Variants in ZBTB2 observed in about 807,000 individuals in gnomAD.
The protein encoded by ZBTB2 is zinc finger and BTB domain-containing protein 2.
A neutral mutation model predicts 39.5 loss-of-function variants in ZBTB2; 2 were observed. That is an observed-to-expected ratio of 0.05 (90% CI 0.02 to 0.16). ZBTB2 has a LOEUF of 0.16. ZBTB2 is among the 10% of genes least tolerant of loss of function. The probability of loss-of-function intolerance (pLI) is 1.00; values close to 1 mark genes in which losing one functional copy is unlikely to be tolerated. For missense variants in ZBTB2, 391 were observed against 653.0 expected (o/e 0.60, Z 4.37); for synonymous variants, 251 against 256.6 (o/e 0.98, Z 0.21).
rs746683385 is a variant in ZBTB2, at chr6:151,373,571, G to A, written c.67C>T (p.Leu23=). 1 of 1,614,180 alleles carries A rather than the reference G, an allele frequency of 6.2e-7. No homozygotes were observed. Among genetic ancestry groups the A allele is most frequent in the South Asian group, 1.1e-5 (1 of 91,084 alleles). Residue 23 remains leucine (L), a synonymous_variant, in exon 2 of 3, where the codon CTG becomes TTG. Transcript: ENST00000325144. Reference sequence around the variant, plus strand: ...CCGATTGCAACCGTGCAGTCACACAGGAAACCAAACTCTCGCTGAGCGTTT... The same window carrying A: ...CCGATTGCAACCGTGCAGTCACACAAGAAACCAAACTCTCGCTGAGCGTTT... ...QLNAQREFGF[L]CDCTVAIGDV...
At chr6:151,383,259 A>T (rs1255704189) in intron 1 of ZBTB2, among the ~76,000 whole-genome samples, 1 of 152,020 alleles carries the variant, frequency 6.6e-6, no homozygotes, top group Non-Finnish European at 1.5e-5. Context: ...TATGTTGCCC[A>T]GGCTGGTCTT....
Position 151,366,719 on chromosome 6 carries a change from T to C in ZBTB2, c.347A>G (p.Gln116Arg). The C allele has an allele frequency of 6.2e-7, 1 of 1,614,140 alleles. No individual in the cohort carries two copies. The highest frequency in any genetic ancestry group is 8.5e-7 in the Non-Finnish European group (1 of 1,180,014). The change falls in exon 3 of 3, where the codon CAG (glutamine) becomes CGG (arginine). Residue 116 changes from glutamine to arginine, a missense_variant. Physicochemically the swap from Gln to Arg is conservative, Grantham distance 43. Around this residue, in one of 7 missense-constraint regions of ZBTB2, gnomAD observed 175 missense variants for 198.6 expected, o/e 0.88. Transcript: ENST00000325144. The surrounding 1 kb of genome is among the most constrained non-coding windows in gnomAD (Gnocchi z 7.1). ...TTGGTCAGGGTGAGAAAAGGCTCCC[T>C]GGCTGGCGAGGCTGGCTTCCTGAAT... ...PLIQEASLAS[Q>R]GAFSHPDQVF...
At chr6:151,370,070 T>G (rs1778753097) in intron 2 of ZBTB2, 1 of 972,904 alleles carries the variant, frequency 1.0e-6, no homozygotes, top group South Asian at 4.7e-5. Context: ...TTCCCAGTCC[T>G]GTGGAAAGGA....
intron 1 of ZBTB2, among the ~76,000 whole-genome samples, chr6:151,390,295 C>A (rs1779256963): frequency 6.8e-6 from 1 of 147,820 alleles, no homozygotes; most frequent in African/African-American, 2.5e-5. Context: ...GGGGCGGGGC[C>A]GGGGGCGCGG....
intron 1 of ZBTB2, among the ~76,000 whole-genome samples, chr6:151,383,772 C>T (rs1485729400): frequency 6.6e-6 from 1 of 152,120 alleles, no homozygotes; most frequent in African/African-American, 2.4e-5. Flanking sequence ...GGCAGACACA[C>T]ACACACACAT....
rs563661055 is a variant in ZBTB2 at position 151,383,623 on chromosome 6, A to G, written c.-13+7797T>C. Among the ~76,000 whole-genome samples the G allele has an allele frequency of 3.3e-5, 5 of 152,192 alleles. No homozygotes were observed. In the South Asian group the frequency reaches 1.0e-3, roughly 32 times the overall value. On this transcript the variant is annotated intron_variant, in intron 1 of 2. Transcript: ENST00000325144. ...TTACTGCTCAAAGGCTTCACTCTCG[A>G]GGCTGGGCAGCTTGGCAGCCTGAAC...
chr6:151,374,651 C>A (rs1389491405), intron 1 of ZBTB2, among the ~76,000 whole-genome samples: 1 of 151,942 alleles, frequency 6.6e-6, no homozygotes, highest in Non-Finnish European at 1.5e-5. Flanking sequence ...AAGATGTCCC[C>A]TCTCGATATT....
rs769474299 is a variant in ZBTB2, at chr6:151,377,535, A to ATT, written c.-12-3888_-12-3887dup. 3.0e-3 allele frequency among the ~76,000 whole-genome samples: 312 copies of ATT among 103,394 alleles called. 3 individuals are homozygous for ATT. The highest frequency in any genetic ancestry group is 4.2e-3 in the Non-Finnish European group (225 of 53,680). The allele number at this position is 103,394 out of a possible 152,430, so 67.8% of individuals were successfully genotyped here. A position where few individuals can be genotyped will look rare whatever the true frequency, so the allele number is the denominator to read the frequency against. On this transcript the variant is annotated intron_variant, in intron 1 of 2. Transcript: ENST00000325144. Reference sequence around the variant, plus strand: ...AGGTGCCCGCGACCATGTCTGGCTAATTTTTTTTTTTTTTTTTTTTTTTGA... The same window carrying ATT: ...AGGTGCCCGCGACCATGTCTGGCTAATTTTTTTTTTTTTTTTTTTTTTTTTGA...
intron 1 of ZBTB2, among the ~76,000 whole-genome samples, chr6:151,391,048 C>T (rs1410494323): frequency 2.1e-5 from 3 of 146,178 alleles, no homozygotes; most frequent in Non-Finnish European, 4.6e-5. Flanking sequence ...CCGCCGCCCG[C>T]CCTCTCGGCT....
intron 2 of ZBTB2, among the ~76,000 whole-genome samples, chr6:151,372,789 G>A (rs1473589969): frequency 1.3e-5 from 2 of 152,064 alleles, no homozygotes; most frequent in Non-Finnish European, 2.9e-5. Flanking sequence ...ATGAGAGATA[G>A]GGCTTAGATA....
In ZBTB2 at chr6:151,366,009, C is replaced by T. The variant is rs2114848371; in HGVS notation, c.1057G>A (p.Asp353Asn). Residue 353 changes from aspartate (D) to asparagine (N), a missense_variant, in exon 3 of 3, where the codon GAC (aspartate) becomes AAC (asparagine). By Grantham distance (23) the Asp-to-Asn change is conservative (BLOSUM62 1). This residue lies in a region of ZBTB2 where 17 missense variants were observed against 67.6 expected (regional missense o/e 0.25). Coordinates refer to ENST00000325144, the MANE Select transcript of ZBTB2 (RefSeq NM_020861.3). The surrounding 1 kb of genome is among the most constrained non-coding windows in gnomAD (Gnocchi z 7.1). ...CGCCTCTTCACCTCCCTCTCCTGGT[C>T]GGCCTGCTCCAGGTTGTCAATGTCA... ...IADIDNLEQADQEREVKRRKY... is the reference protein window; with the variant it reads ...IADIDNLEQANQEREVKRRKY... 2 of 1,614,144 alleles carry T rather than the reference C, an allele frequency of 1.2e-6. No individual in the cohort carries two copies. The highest frequency in any genetic ancestry group is 1.7e-6 in the Non-Finnish European group (2 of 1,180,032).
intron 1 of ZBTB2, among the ~76,000 whole-genome samples, chr6:151,388,643 A>G (rs1238944153): frequency 6.6e-6 from 1 of 152,222 alleles, no homozygotes; most frequent in African/African-American, 2.4e-5. Flanking sequence ...CTGGGATTAT[A>G]GGCGTGAGCC....
At chr6:151,367,750 A>T (rs1368329927) in intron 2 of ZBTB2, among the ~76,000 whole-genome samples, 2 of 152,218 alleles carry the variant, frequency 1.3e-5, no homozygotes, top group Non-Finnish European at 2.9e-5. Context: ...AGATATGGAA[A>T]CTGAGGTCCC....
chr6:151,367,033 G>C (rs1778666373), intron 2 of ZBTB2, 141 bp from the exon 3 acceptor site: 1 of 884,418 alleles, frequency 1.1e-6, no homozygotes. Context: ...ATGAAAATGG[G>C]ATGAAATAAT....
Position 151,365,409 on chromosome 6 carries a change from A to C in ZBTB2, c.*112T>G, listed in dbSNP as rs912093056. On this transcript the variant is annotated 3_prime_UTR_variant, in exon 3 of 3. Transcript: ENST00000325144. This position sits in a 1 kb window ranked among gnomAD's most constrained non-coding sequence, Gnocchi z 5.6. ...ATGTGGAAAAGGGGAAGAGGAGAAG[A>C]GAACAAGGACCTGTTTGTATCATGC... is the stretch of plus-strand genomic sequence containing the variant. 5.5e-6 allele frequency: 7 copies of C among 1,263,038 alleles called. No homozygotes were observed. The highest frequency in any genetic ancestry group is 7.7e-6 in the Non-Finnish European group (7 of 911,038). 78.2% of individuals were successfully genotyped at this position (1,263,038 alleles called of 1,614,324 possible).
In ZBTB2 at chr6:151,365,340, T is replaced by C; in HGVS notation, c.*181A>G. Reference sequence around the variant, plus strand: ...ATCCCCTGAAAGAAAGTCGATACATTCCAGGTTTATAATGCACAAAGCCTT... The same window carrying C: ...ATCCCCTGAAAGAAAGTCGATACATCCCAGGTTTATAATGCACAAAGCCTT... On this transcript the variant is annotated 3_prime_UTR_variant, in exon 3 of 3. Transcript: ENST00000325144. The surrounding 1 kb of genome is among the most constrained non-coding windows in gnomAD (Gnocchi z 5.6). 1.5e-6 allele frequency: 1 copy of C among 655,514 alleles called. No individual in the cohort carries two copies. Among genetic ancestry groups the C allele is most frequent in the Admixed American group, 3.3e-5 (1 of 30,432 alleles). 40.6% of individuals were successfully genotyped at this position (655,514 alleles called of 1,614,324 possible). A position where few individuals can be genotyped will look rare whatever the true frequency, so the allele number is the denominator to read the frequency against.
intron 1 of ZBTB2, among the ~76,000 whole-genome samples, chr6:151,374,865 T>C (rs922754239): frequency 5.4e-5 from 6 of 111,942 alleles, no homozygotes; most frequent in Admixed American, 1.2e-4. Context: ...CTTTCGGAGG[T>C]GGGCGGATCA....
Position 151,364,122 on chromosome 6 carries a change from T to C in ZBTB2, c.*1399A>G, listed in dbSNP as rs1317488381. The C allele has an allele frequency of 1.3e-5, 2 of 152,258 alleles. No homozygotes were observed. Among genetic ancestry groups the C allele is most frequent in the African/African-American group, 4.8e-5 (2 of 41,376 alleles). The allele number at this position is 152,258 out of a possible 1,614,324, so 9.4% of individuals were successfully genotyped here. A position where few individuals can be genotyped will look rare whatever the true frequency, so the allele number is the denominator to read the frequency against. On this transcript the variant is annotated 3_prime_UTR_variant, in exon 3 of 3. Coordinates refer to ENST00000325144, the MANE Select transcript of ZBTB2 (RefSeq NM_020861.3). ...AGATGACATGACATCATATACTCATTTAATTAAACGTTTATTCAATGAAAG... is the reference window on the plus strand; with the variant it reads ...AGATGACATGACATCATATACTCATCTAATTAAACGTTTATTCAATGAAAG...
chr6:151,386,595 T>C (rs1779158027), intron 1 of ZBTB2, among the ~76,000 whole-genome samples: 1 of 152,254 alleles, frequency 6.6e-6, no homozygotes, highest in Non-Finnish European at 1.5e-5. Flanking sequence ...AGATTGCCTT[T>C]GTTTTTTATA....
Sources: gnomAD v4.1 joint callset for allele counts (sites outside exome capture counted in the v4.1 genomes callset) on GRCh38, gnomAD v4.1.1 for gene constraint, gnomAD v4.1.1 regional missense constraint, Gnocchi (gnomAD v3.1) non-coding constraint, MANE v1.5 for transcripts, NCBI Gene and HGNC (gene_info 2026-07-23, HGNC 2026-07-21) for gene names.